EYA3: variants seen among roughly 807,000 people sequenced by gnomAD.
EYA3 encodes the protein EYA transcriptional coactivator and phosphatase 3, also known as protein phosphatase EYA3.
EYA3 carries 39 observed loss-of-function variants against 80.0 expected under a neutral mutation model. The observed-to-expected ratio is 0.49, with a 90% CI of 0.38 to 0.64. The LOEUF is 0.64. Ranked by LOEUF, EYA3 falls within the 30% of genes least tolerant of loss-of-function variation. The pLI, the probability that EYA3 is intolerant of heterozygous loss-of-function variation, is 0.00. For missense variants in EYA3, 523 were observed against 676.1 expected, an observed-to-expected ratio of 0.77 and a Z score of 2.51; for synonymous variants, 206 against 232.8, an observed-to-expected ratio of 0.88 and a Z score of 1.05.
intron 10 of EYA3, among the ~76,000 whole-genome samples, chr1:28,008,967 C>G (rs1054795891): frequency 1.3e-5 from 2 of 152,100 alleles, no homozygotes; most frequent in Admixed American, 1.3e-4. Flanking sequence ...ATTAGAATAG[C>G]TATTATCAAA....
At chr1:28,048,801 T>C (rs1416206264) in intron 2 of EYA3, among the ~76,000 whole-genome samples, 1 of 152,206 alleles carries the variant, frequency 6.6e-6, no homozygotes, top group African/African-American at 2.4e-5. Context: ...TCTACTCATT[T>C]ATTTAACAAA....
At chr1:27,998,291 G>T in intron 12 of EYA3, 1 of 984,930 alleles carries the variant, frequency 1.0e-6, no homozygotes, top group Non-Finnish European at 1.2e-6. Flanking sequence ...GACCTGGGGG[G>T]CAGGAACACA....
intron 3 of EYA3, among the ~76,000 whole-genome samples, chr1:28,047,171 C>T (rs960591305): frequency 2.0e-5 from 3 of 150,036 alleles, no homozygotes; most frequent in Non-Finnish European, 4.4e-5. Context: ...GAGTCTTTGT[C>T]GCCCAGGCTG....
chr1:27,974,812 A>G (rs1571686773), intron 17 of EYA3, among the ~76,000 whole-genome samples: 2 of 152,232 alleles, frequency 1.3e-5, no homozygotes, highest in South Asian at 4.1e-4. Flanking sequence ...TATTATTTTG[A>G]AGACAGGGTC....
rs564259824 is a variant in EYA3 at position 28,060,808 on chromosome 1, GATCAAGACC to G, written c.-68-2723_-68-2715del. Among the ~76,000 whole-genome samples, 510 of 152,338 alleles carry G rather than the reference GATCAAGACC, an allele frequency of 3.3e-3. 7 individuals carry two copies. Among genetic ancestry groups the G allele is most frequent in the African/African-American group, 0.012 (494 of 41,580 alleles). On this transcript the variant is annotated intron_variant, in intron 1 of 17. Coordinates refer to ENST00000373871, the MANE Select transcript of EYA3 (RefSeq NM_001990.4). ...AGGCAGGCGGATCACAAGGTCAGGA[GATCAAGACC>G]ATCTTGGCCAAGATGGTGAAACCCT...
intron 6 of EYA3, among the ~76,000 whole-genome samples, chr1:28,033,669 A>ATT (rs869214526): frequency 7.9e-6 from 1 of 126,072 alleles, no homozygotes; most frequent in African/African-American, 2.9e-5. Context: ...TATTATTATT[A>ATT]TTTTTGAGAC....
At chr1:27,995,458 T>C (rs12132656) in intron 13 of EYA3, among the ~76,000 whole-genome samples, 4,626 of 147,576 alleles carry the variant, frequency 0.031, 157 homozygotes, top group African/African-American at 0.084. Flanking sequence ...GAGTACAAGC[T>C]GGGTGTAGTT....
chr1:27,985,180 C>G (rs1266261702), intron 16 of EYA3, among the ~76,000 whole-genome samples: 2 of 151,954 alleles, frequency 1.3e-5, no homozygotes, highest in African/African-American at 4.8e-5. Context: ...TGGGCTCAAG[C>G]GATTGTCCCA....
At chr1:28,017,921 T>C (rs1642180010) in intron 7 of EYA3, among the ~76,000 whole-genome samples, 1 of 152,062 alleles carries the variant, frequency 6.6e-6, no homozygotes, top group Non-Finnish European at 1.5e-5. Context: ...TGAGGCCAGG[T>C]GTGGTGGCTC....
intron 9 of EYA3, among the ~76,000 whole-genome samples, chr1:28,012,487 C>T (rs551511299): frequency 1.1e-4 from 16 of 152,204 alleles, no homozygotes; most frequent in African/African-American, 2.9e-4. Flanking sequence ...GTGCTTTCCT[C>T]GAACCACATG....
At chr1:27,999,704 G>A (rs1484094297) in intron 12 of EYA3, among the ~76,000 whole-genome samples, 2 of 152,046 alleles carry the variant, frequency 1.3e-5, no homozygotes, top group East Asian at 3.8e-4. Context: ...CTTTCCCCTA[G>A]TGCTAGATCA....
chr1:28,063,291 T>TTA (rs751334336), intron 1 of EYA3, among the ~76,000 whole-genome samples: 42 of 134,310 alleles, frequency 3.1e-4, no homozygotes, highest in Admixed American at 1.4e-3. Flanking sequence ...CCAAAGTGCC[T>TTA]TATATATATA....
chr1:28,077,775 G>A (rs771095229), intron 1 of EYA3, among the ~76,000 whole-genome samples: 2 of 152,146 alleles, frequency 1.3e-5, no homozygotes, highest in African/African-American at 4.8e-5. Context: ...AAATTTCTGA[G>A]AATCACAACA....
intron 1 of EYA3, among the ~76,000 whole-genome samples, chr1:28,062,657 GGTGT>G (rs71027260): frequency 0.029 from 4,064 of 141,562 alleles, 98 homozygotes; most frequent in African/African-American, 0.069. Context: ...AATATATGTA[GGTGT>G]GTGTGTGTGT....
chr1:27,982,889 T>G (rs1232339239), intron 16 of EYA3, among the ~76,000 whole-genome samples: 1 of 152,216 alleles, frequency 6.6e-6, no homozygotes, highest in South Asian at 2.1e-4. Context: ...TTAATCCTTA[T>G]GAGTATATGT....
chr1:28,066,842 G>A (rs1644852266), intron 1 of EYA3, among the ~76,000 whole-genome samples: 1 of 151,754 alleles, frequency 6.6e-6, no homozygotes, highest in African/African-American at 2.4e-5. Context: ...CTATTATTAG[G>A]GAGCAAACAA....
chr1:28,035,388 A>AT (rs1344873849), intron 6 of EYA3, among the ~76,000 whole-genome samples, 156 bp downstream of exon 6: 19 of 152,172 alleles, frequency 1.2e-4, no homozygotes, highest in African/African-American at 3.6e-4. Context: ...AAAAACTATG[A>AT]TTTTTTTATT....
At position 27,975,007 on chromosome 1, in the gene EYA3, T is replaced by C. The variant is rs188886202; in HGVS notation, c.1642-461A>G. On this transcript the variant is annotated intron_variant, in intron 17 of 17. Transcript: ENST00000373871. ...CCAGGTGAAAAATTAGTATTTGATA[T>C]AAGATTATACTGTCTCATGGATGGT... 1.4e-3 allele frequency among the ~76,000 whole-genome samples: 216 copies of C among 152,294 alleles called. 1 individual carries two copies. Among genetic ancestry groups the C allele is most frequent in the African/African-American group, 4.8e-3 (199 of 41,550 alleles).
At chr1:28,067,602 A>C (rs886811413) in intron 1 of EYA3, among the ~76,000 whole-genome samples, 1 of 152,216 alleles carries the variant, frequency 6.6e-6, no homozygotes, top group African/African-American at 2.4e-5. Context: ...TGCCTTACCT[A>C]AAAAATCTTA....
Sources: gnomAD v4.1 joint callset for allele counts (sites outside exome capture counted in the v4.1 genomes callset) on GRCh38, gnomAD v4.1.1 for gene constraint, MANE v1.5 for transcripts, NCBI Gene and HGNC (gene_info 2026-07-23, HGNC 2026-07-21) for gene names.